CSMD1: variants seen among roughly 807,000 people sequenced by gnomAD.
The protein encoded by CSMD1 is CUB and sushi domain-containing protein 1.
A neutral mutation model predicts 417.5 loss-of-function variants in CSMD1; 213 were observed. The ratio of observed to expected loss-of-function variants is 0.51; its 90% CI spans 0.46 to 0.57. The LOEUF (loss-of-function observed/expected upper bound fraction) is 0.57, where lower values mean the gene tolerates loss of function less well. CSMD1 is among the 20% of genes least tolerant of loss of function. The pLI is 0.00. For synonymous variants in CSMD1, 2,862 were observed against 1,736.8 expected (o/e 1.65, Z -16.11); for missense variants, 6,923 against 4,529.7 (o/e 1.53, Z -15.17).
chr8:4,685,731 T>C (rs1439135218), intron 1 of CSMD1, among the ~76,000 whole-genome samples: 1 of 152,226 alleles, frequency 6.6e-6, no homozygotes, highest in Non-Finnish European at 1.5e-5. Flanking sequence ...CTGAACATTC[T>C]TTTTAAGAAA....
intron 1 of CSMD1, among the ~76,000 whole-genome samples, chr8:4,676,123 T>A (rs1404800069): frequency 6.6e-6 from 1 of 152,244 alleles, no homozygotes; most frequent in African/African-American, 2.4e-5. Flanking sequence ...AATTCTGCTA[T>A]GCATAAGATG....
intron 18 of CSMD1, among the ~76,000 whole-genome samples, chr8:3,371,632 C>G (rs1048391593): frequency 6.6e-6 from 1 of 152,136 alleles, no homozygotes; most frequent in African/African-American, 2.4e-5. Flanking sequence ...ATAAAAGCCT[C>G]TTCCACAAAT....
chr8:3,774,589 G>A (rs1798799291), intron 5 of CSMD1, among the ~76,000 whole-genome samples: 1 of 152,082 alleles, frequency 6.6e-6, no homozygotes, highest in African/African-American at 2.4e-5. Flanking sequence ...GCTTTTCTCT[G>A]TTAATCTTCA....
rs547434610 is a variant in CSMD1 at position 3,512,322 on chromosome 8, A to C, written c.1345-18596T>G. On this transcript the variant is annotated intron_variant, in intron 10 of 69. Transcript: ENST00000635120. ...CTGAGTTTAGCAACTTATTTGTTCT[A>C]TACCCACAGCCTCAGCCTCTCCCCT... is the stretch of plus-strand genomic sequence containing the variant. Among the ~76,000 whole-genome samples the C allele has an allele frequency of 2.0e-5, 3 of 152,338 alleles. No homozygotes were observed. The East Asian group carries it at 5.8e-4, about 29-fold the overall frequency.
At chr8:4,605,168 G>C (rs1271033375) in intron 2 of CSMD1, among the ~76,000 whole-genome samples, 1 of 152,234 alleles carries the variant, frequency 6.6e-6, no homozygotes. Flanking sequence ...AAAAAAGACA[G>C]AACAACTTCA....
chr8:3,948,685 C>G (rs1479568892), intron 5 of CSMD1, among the ~76,000 whole-genome samples: 2 of 152,118 alleles, frequency 1.3e-5, no homozygotes, highest in East Asian at 1.9e-4. Context: ...CCAATGAGTT[C>G]TATTCCACCA....
At chr8:4,529,354 G>T (rs957983676) in intron 2 of CSMD1, among the ~76,000 whole-genome samples, 1 of 152,142 alleles carries the variant, frequency 6.6e-6, no homozygotes, top group Non-Finnish European at 1.5e-5. Flanking sequence ...GTTAAAGCAG[G>T]CATTAATATG....
At chr8:3,191,266 G>A (rs1479122574) in intron 33 of CSMD1, among the ~76,000 whole-genome samples, 1 of 151,990 alleles carries the variant, frequency 6.6e-6, no homozygotes, top group Non-Finnish European at 1.5e-5. Flanking sequence ...TATCAGCCTG[G>A]CCAACAGGTG....
At chr8:4,208,920 G>C (rs536932760) in intron 3 of CSMD1, among the ~76,000 whole-genome samples, 1 of 152,242 alleles carries the variant, frequency 6.6e-6, no homozygotes, top group South Asian at 2.1e-4. Flanking sequence ...ATGCCCTGTA[G>C]ACATAACAGA....
At chr8:4,268,855 A>G (rs1198754900) in intron 3 of CSMD1, among the ~76,000 whole-genome samples, 1 of 152,186 alleles carries the variant, frequency 6.6e-6, no homozygotes, top group Non-Finnish European at 1.5e-5. Context: ...GATTTTCATA[A>G]AACAAATCCC....
chr8:4,338,287 G>A lies in CSMD1; in HGVS notation c.415+81666C>T, dbSNP rs564769580. 4.6e-5 allele frequency among the ~76,000 whole-genome samples: 7 copies of A among 152,264 alleles called. No homozygotes were observed. In the South Asian group the frequency reaches 1.4e-3, roughly 32 times the overall value. On this transcript the variant is annotated intron_variant, in intron 3 of 69. Transcript: ENST00000635120. ...AGTTGAGTAAGTGCAAGAGTTCAATGCAGTAGTTGAATATAGTTAGTTACA... is the reference window on the plus strand; with the variant it reads ...AGTTGAGTAAGTGCAAGAGTTCAATACAGTAGTTGAATATAGTTAGTTACA...
intron 30 of CSMD1, among the ~76,000 whole-genome samples, chr8:3,208,964 A>G (rs1427919376): frequency 1.3e-5 from 2 of 152,168 alleles, no homozygotes; most frequent in African/African-American, 2.4e-5. Flanking sequence ...TCCCCTTTAT[A>G]TATGTAACTA....
At chr8:4,220,303 G>C (rs1800949584) in intron 3 of CSMD1, among the ~76,000 whole-genome samples, 1 of 152,132 alleles carries the variant, frequency 6.6e-6, no homozygotes, top group African/African-American at 2.4e-5. Flanking sequence ...AAGGTTATTT[G>C]ACTGGAAATT....
chr8:4,291,436 G>C (rs1359685782), intron 3 of CSMD1, among the ~76,000 whole-genome samples: 1 of 152,046 alleles, frequency 6.6e-6, no homozygotes, highest in Non-Finnish European at 1.5e-5. Flanking sequence ...AAGCATGGTA[G>C]AATTTGAATT....
intron 5 of CSMD1, among the ~76,000 whole-genome samples, chr8:3,959,039 C>G (rs989262665): frequency 6.6e-6 from 1 of 152,212 alleles, no homozygotes; most frequent in African/African-American, 2.4e-5. Flanking sequence ...CCATGCTCCT[C>G]CATACTTCCT....
At chr8:3,356,223 T>C (rs912618378) in intron 21 of CSMD1, among the ~76,000 whole-genome samples, 35 of 152,320 alleles carry the variant, frequency 2.3e-4, no homozygotes, top group African/African-American at 8.4e-4. Flanking sequence ...ATTTCTATAA[T>C]TTTAGAGAAA....
intron 23 of CSMD1, among the ~76,000 whole-genome samples, chr8:3,323,932 A>AT (rs2117494762): frequency 1.1e-5 from 1 of 94,112 alleles, no homozygotes; most frequent in East Asian, 5.2e-4. Flanking sequence ...CACACATCTA[A>AT]CCCCAGAGAC....
chr8:3,279,649 T>A (rs1389860162), intron 26 of CSMD1, among the ~76,000 whole-genome samples: 1 of 152,216 alleles, frequency 6.6e-6, no homozygotes, highest in African/African-American at 2.4e-5. Flanking sequence ...GGGTGATTTA[T>A]AAAGGAAAGA....
chr8:4,178,212 C>A (rs1451914077), intron 3 of CSMD1, among the ~76,000 whole-genome samples: 1 of 152,158 alleles, frequency 6.6e-6, no homozygotes, highest in Non-Finnish European at 1.5e-5. Context: ...TCCAGCAGCA[C>A]ATCAAAAAGC....
Sources: gnomAD v4.1 joint callset for allele counts (sites outside exome capture counted in the v4.1 genomes callset) on GRCh38, gnomAD v4.1.1 for gene constraint, MANE v1.5 for transcripts, NCBI Gene and HGNC (gene_info 2026-07-23, HGNC 2026-07-21) for gene names.